FAM107B: variants seen among roughly 807,000 people sequenced by gnomAD.
FAM107B encodes protein FAM107B.
A neutral mutation model predicts 31.5 loss-of-function variants in FAM107B; 21 were observed. The observed-to-expected ratio is 0.67, with a 90% confidence interval of 0.47 to 0.96. The LOEUF (loss-of-function observed/expected upper bound fraction) is 0.96, where lower values mean the gene tolerates loss of function less well. FAM107B is among the 40% of genes least tolerant of loss of function. The pLI, the probability that FAM107B is intolerant of heterozygous loss-of-function variation, is 0.00. For synonymous variants in FAM107B, 157 were observed against 141.5 expected, an observed-to-expected ratio of 1.11 and a Z score of -0.78; for missense variants, 452 against 377.1, an observed-to-expected ratio of 1.20 and a Z score of -1.64.
chr10:14,770,836 C>T (rs1176936378), intron 1 of FAM107B, among the ~76,000 whole-genome samples: 3 of 152,082 alleles, frequency 2.0e-5, no homozygotes, highest in African/African-American at 7.2e-5. Flanking sequence ...GTTTGTTTAG[C>T]TTCATTACCT....
At chr10:14,572,122 A>G (rs1851276592) in intron 2 of FAM107B, 1 of 985,270 alleles carries the variant, frequency 1.0e-6, no homozygotes, top group South Asian at 4.7e-5. Context: ...ACACTCTAGC[A>G]ACTTCTGAAA....
chr10:14,618,972 G>T (rs537556272), intron 2 of FAM107B, among the ~76,000 whole-genome samples: 1 of 152,296 alleles, frequency 6.6e-6, no homozygotes, highest in African/African-American at 2.4e-5. Flanking sequence ...AGATGGTCTT[G>T]TGACAACAGG....
At chr10:14,572,483 G>A (rs1851294544) in intron 2 of FAM107B, 1 of 825,654 alleles carries the variant, frequency 1.2e-6, no homozygotes, top group Admixed American at 6.2e-5. Flanking sequence ...AATCAGAATG[G>A]CCCTCCTGAG....
At position 14,774,772 on chromosome 10, in the gene FAM107B, G is replaced by T; in HGVS notation, c.-109C>A. 1 of 1,235,718 alleles carries T rather than the reference G, an allele frequency of 8.1e-7. No homozygotes were observed. The highest frequency in any genetic ancestry group is 2.4e-5 in the East Asian group (1 of 41,400). The allele number at this position is 1,235,718 out of a possible 1,614,324, so 76.5% of individuals were successfully genotyped here. On this transcript the variant is annotated 5_prime_UTR_variant, in exon 1 of 5. Coordinates refer to ENST00000181796, the MANE Select transcript of FAM107B (RefSeq NM_031453.4). ...ACTCTTTCCAATTGCCCGAAGAGAAGAACTTGCTAGTGGTTGCCCCTAAAT... is the reference window on the plus strand; with the variant it reads ...ACTCTTTCCAATTGCCCGAAGAGAATAACTTGCTAGTGGTTGCCCCTAAAT...
chr10:14,616,663 C>T (rs1461784475), intron 2 of FAM107B, among the ~76,000 whole-genome samples: 1 of 152,196 alleles, frequency 6.6e-6, no homozygotes, highest in Non-Finnish European at 1.5e-5. Flanking sequence ...TGGCTTATGC[C>T]TGTAATCCCA....
chr10:14,592,541 C>T (rs1193484081), intron 2 of FAM107B, among the ~76,000 whole-genome samples: 1 of 152,196 alleles, frequency 6.6e-6, no homozygotes, highest in African/African-American at 2.4e-5. Context: ...TGCATTTCTA[C>T]CCAGGGGTTT....
intron 1 of FAM107B, among the ~76,000 whole-genome samples, chr10:14,751,077 A>G (rs894777080): frequency 2.0e-5 from 3 of 152,200 alleles, no homozygotes; most frequent in Non-Finnish European, 4.4e-5. Context: ...TGTGCTGTTG[A>G]CATCCGCTAG....
intron 2 of FAM107B, among the ~76,000 whole-genome samples, chr10:14,536,870 T>C (rs1259518436): frequency 6.6e-6 from 1 of 152,230 alleles, no homozygotes; most frequent in Non-Finnish European, 1.5e-5. Flanking sequence ...GCCAATATGT[T>C]GTTGTACAAA....
At chr10:14,596,016 C>T (rs932686229) in intron 2 of FAM107B, among the ~76,000 whole-genome samples, 6 of 152,226 alleles carry the variant, frequency 3.9e-5, no homozygotes, top group African/African-American at 1.2e-4. Flanking sequence ...GAGCCACGTC[C>T]TCACCGTGGC....
intron 2 of FAM107B, among the ~76,000 whole-genome samples, chr10:14,666,122 T>C (rs1039130774): frequency 1.3e-5 from 2 of 152,178 alleles, no homozygotes; most frequent in African/African-American, 4.8e-5. Flanking sequence ...GTCCCTGCTC[T>C]CTAAGAGACA....
chr10:14,637,454 G>A (rs72768975), intron 2 of FAM107B, among the ~76,000 whole-genome samples: 1,913 of 152,224 alleles, frequency 0.013, 24 homozygotes, highest in Non-Finnish European at 0.018. Flanking sequence ...GGGCAATATG[G>A]CAAAACTTAT....
At chr10:14,731,412 A>C (rs1475149796) in intron 1 of FAM107B, among the ~76,000 whole-genome samples, 1 of 152,040 alleles carries the variant, frequency 6.6e-6, no homozygotes, top group Non-Finnish European at 1.5e-5. Flanking sequence ...AAATACAAAA[A>C]TTAGCCAGGC....
chr10:14,535,367 T>A (rs761643253), intron 2 of FAM107B, among the ~76,000 whole-genome samples: 2 of 152,132 alleles, frequency 1.3e-5, no homozygotes, highest in African/African-American at 4.8e-5. Context: ...GGCACAAACA[T>A]GAGAACTCAA....
chr10:14,767,101 C>CAGAG (rs1293912707), intron 1 of FAM107B, among the ~76,000 whole-genome samples: 3 of 55,004 alleles, frequency 5.5e-5, no homozygotes, highest in Admixed American at 2.2e-4. Flanking sequence ...GAGAGAGAGA[C>CAGAG]AGAGAGAGAG....
In FAM107B at chr10:14,530,365, T is replaced by A. The variant is rs769558835; in HGVS notation, c.620A>T (p.Asp207Val). ...ATTCATAAGAAGTTCTCTGTGAAGA[T>A]CTTGATGGTTCCGGGAGGTTTTTAC... ...NPVKTSRNHQ[D>V]LHRELLMNQK... Residue 207 changes from aspartate to valine, a missense_variant, in exon 3 of 5, where the codon GAT becomes GTT. Asp to Val is a radical substitution (Grantham distance 152). Coordinates refer to ENST00000181796, the MANE Select transcript of FAM107B (RefSeq NM_031453.4). 6.8e-6 allele frequency: 11 copies of A among 1,613,950 alleles called. No individual in the cohort carries two copies. The highest frequency in any genetic ancestry group is 9.3e-6 in the Non-Finnish European group (11 of 1,179,982).
chr10:14,737,247 A>G (rs1253533562), intron 1 of FAM107B, among the ~76,000 whole-genome samples: 1 of 151,962 alleles, frequency 6.6e-6, no homozygotes, highest in Non-Finnish European at 1.5e-5. Flanking sequence ...TTGGGATGAT[A>G]TGGGGAGAAA....
At chr10:14,642,541 T>C (rs968395565) in intron 2 of FAM107B, among the ~76,000 whole-genome samples, 1 of 152,238 alleles carries the variant, frequency 6.6e-6, no homozygotes, top group Non-Finnish European at 1.5e-5. Flanking sequence ...TCCCCTTCGG[T>C]TCAAACTGGC....
chr10:14,658,159 A>G (rs10906733), intron 2 of FAM107B, among the ~76,000 whole-genome samples: 75,228 of 152,020 alleles, frequency 0.49, 20,246 homozygotes, highest in Non-Finnish European at 0.6. Flanking sequence ...TCCAATTACT[A>G]TTATTTGAAA....
In FAM107B at chr10:14,774,398, G is replaced by T. The variant is rs375826379; in HGVS notation, c.266C>A (p.Ala89Glu). The change falls in exon 1 of 5, where the codon GCG (alanine) becomes GAG (glutamate). Residue 89 changes from alanine to glutamate, a missense_variant. Coordinates refer to ENST00000181796, the MANE Select transcript of FAM107B (RefSeq NM_031453.4). Reference protein sequence around the residue: ...SSTHAERNGSANRNSSHRTAA... With the variant: ...SSTHAERNGSENRNSSHRTAA... Reference sequence around the variant, plus strand: ...AGTGCGGTGACTTGAATTCCGATTCGCACTGCCATTTCTCTCTGCATGGGT... The same window carrying T: ...AGTGCGGTGACTTGAATTCCGATTCTCACTGCCATTTCTCTCTGCATGGGT... 6.2e-7 allele frequency: 1 copy of T among 1,614,162 alleles called. No homozygotes were observed. The highest frequency in any genetic ancestry group is 8.5e-7 in the Non-Finnish European group (1 of 1,180,018).
Sources: gnomAD v4.1 joint callset for allele counts (sites outside exome capture counted in the v4.1 genomes callset) on GRCh38, gnomAD v4.1.1 for gene constraint, MANE v1.5 for transcripts, NCBI Gene and HGNC (gene_info 2026-07-23, HGNC 2026-07-21) for gene names.